FAM53B: variants seen among roughly 807,000 people sequenced by gnomAD.
FAM53B encodes the protein family with sequence similarity 53 member B, also known as protein FAM53B.
Under a neutral mutation model 32.7 loss-of-function variants are expected in FAM53B, and 12 were observed. That is an observed-to-expected ratio of 0.37 (90% CI 0.24 to 0.59). The LOEUF (loss-of-function observed/expected upper bound fraction) is 0.59, where lower values mean the gene tolerates loss of function less well. Ranked by LOEUF, FAM53B falls within the 20% of genes least tolerant of loss-of-function variation. The pLI is 0.72. For synonymous variants in FAM53B, 234 were observed against 228.7 expected, an observed-to-expected ratio of 1.02 and a Z score of -0.21; for missense variants, 477 against 577.7, an observed-to-expected ratio of 0.83 and a Z score of 1.79.
In FAM53B at chr10:124,619,638, C is replaced by T. The variant is rs1310693743; in HGVS notation, c.*3604G>A. On this transcript the variant is annotated 3_prime_UTR_variant, in exon 5 of 5. Coordinates refer to ENST00000337318, the MANE Select transcript of FAM53B (RefSeq NM_014661.4). ...CTATCCTATCTAGGCTACAAGATCT[C>T]CACTTCGGTCTGCCATTAAAAAAAA... 1 of 151,846 alleles carries T rather than the reference C, an allele frequency of 6.6e-6. No homozygotes were observed. Among genetic ancestry groups the T allele is most frequent in the Non-Finnish European group, 1.5e-5 (1 of 67,856 alleles). The allele number at this position is 151,846 out of a possible 1,614,324, so 9.4% of individuals were successfully genotyped here. A position where few individuals can be genotyped will look rare whatever the true frequency, so the allele number is the denominator to read the frequency against.
At chr10:124,670,077 G>T (rs1949698499) in intron 4 of FAM53B, among the ~76,000 whole-genome samples, 1 of 152,126 alleles carries the variant, frequency 6.6e-6, no homozygotes, top group Non-Finnish European at 1.5e-5. Context: ...TGTGTGTGCA[G>T]ATATGGGAGG....
At chr10:124,702,604 G>C (rs1393611242) in intron 2 of FAM53B, among the ~76,000 whole-genome samples, 1 of 152,182 alleles carries the variant, frequency 6.6e-6, no homozygotes, top group Admixed American at 6.5e-5. Flanking sequence ...TCTGTGACCA[G>C]GGCAGCCCCT....
chr10:124,637,858 C>G (rs1267883271), intron 4 of FAM53B, among the ~76,000 whole-genome samples: 1 of 152,206 alleles, frequency 6.6e-6, no homozygotes, highest in Non-Finnish European at 1.5e-5. Flanking sequence ...TGAAATGAAA[C>G]AGCCACCCCA....
intron 4 of FAM53B, among the ~76,000 whole-genome samples, chr10:124,647,727 T>TC (rs1949527348): frequency 1.3e-5 from 2 of 152,022 alleles, no homozygotes; most frequent in African/African-American, 4.8e-5. Context: ...GGTCACCCCC[T>TC]CCCCCAGGGC....
chr10:124,702,529 A>T (rs1416556051), intron 2 of FAM53B, among the ~76,000 whole-genome samples: 1 of 152,224 alleles, frequency 6.6e-6, no homozygotes, highest in African/African-American at 2.4e-5. Context: ...AGGCGATCAC[A>T]GCCTCTGGAA....
Position 124,623,341 on chromosome 10 carries a change from T to C in FAM53B, c.1170A>G (p.Arg390=), listed in dbSNP as rs551319380. 6.2e-7 allele frequency: 1 copy of C among 1,612,094 alleles called. No homozygotes were observed. Among genetic ancestry groups the C allele is most frequent in the African/African-American group, 1.3e-5 (1 of 75,034 alleles). ...CCCGCCAGGCTGCAGCCGGCTCCGCTCTCCTGCCACAATCCTCGTCCAGGG... is the reference window on the plus strand; with the variant it reads ...CCCGCCAGGCTGCAGCCGGCTCCGCCCTCCTGCCACAATCCTCGTCCAGGG... ...SCALDEDCGR[R]AEPAAAWRDR... The change falls in exon 5 of 5, where the codon AGA becomes AGG. Residue 390 remains arginine (R), a synonymous_variant. Transcript: ENST00000337318.
chr10:124,681,915 C>T lies in FAM53B; in HGVS notation c.598G>A (p.Gly200Ser), dbSNP rs765096537. ...CCTGCCTGTCCACACGGGGCTGAGC[C>T]TGGCACCCCTTGGCAGGGCTGCCCT... ...FGGQPCQGVP[G>S]SAPCGQAGDT... The change falls in exon 4 of 5, where the codon GGC (glycine) becomes AGC (serine). Residue 200 changes from glycine to serine, a missense_variant. Coordinates refer to ENST00000337318, the MANE Select transcript of FAM53B (RefSeq NM_014661.4). The T allele has an allele frequency of 1.2e-6, 2 of 1,613,994 alleles. No individual in the cohort carries two copies. Among genetic ancestry groups the T allele is most frequent in the African/African-American group, 2.7e-5 (2 of 75,084 alleles).
intron 4 of FAM53B, among the ~76,000 whole-genome samples, chr10:124,624,334 C>A (rs976027589): frequency 6.6e-6 from 1 of 152,192 alleles, no homozygotes; most frequent in African/African-American, 2.4e-5. Flanking sequence ...AACATGAGTT[C>A]TCGGCCTCAC....
At chr10:124,695,612 G>A (rs966680951) in intron 3 of FAM53B, among the ~76,000 whole-genome samples, 1 of 152,112 alleles carries the variant, frequency 6.6e-6, no homozygotes, top group Non-Finnish European at 1.5e-5. Flanking sequence ...CCTAGATGTA[G>A]TTACATCACT....
At chr10:124,686,992 A>C (rs1362747703) in intron 3 of FAM53B, among the ~76,000 whole-genome samples, 2 of 152,280 alleles carry the variant, frequency 1.3e-5, no homozygotes, top group Non-Finnish European at 2.9e-5. Context: ...TATCAACACC[A>C]GCCAGGTGAC....
intron 2 of FAM53B, among the ~76,000 whole-genome samples, chr10:124,701,995 G>T (rs1487483905): frequency 6.6e-6 from 1 of 152,168 alleles, no homozygotes; most frequent in Non-Finnish European, 1.5e-5. Context: ...CCCTCAACAG[G>T]CCTCAGAATT....
At chr10:124,669,833 A>G (rs992409151) in intron 4 of FAM53B, among the ~76,000 whole-genome samples, 2 of 152,048 alleles carry the variant, frequency 1.3e-5, no homozygotes, top group Non-Finnish European at 2.9e-5. Flanking sequence ...CTTCCCTGGA[A>G]AGTAGAACAG....
intron 3 of FAM53B, among the ~76,000 whole-genome samples, chr10:124,694,639 G>A (rs541568707): frequency 1.8e-4 from 28 of 152,360 alleles, no homozygotes; most frequent in Non-Finnish European, 2.9e-4. Flanking sequence ...CCAGCATGAC[G>A]CAGGAAGGAA....
At chr10:124,701,100 G>T (rs939378031) in intron 2 of FAM53B, among the ~76,000 whole-genome samples, 1 of 152,228 alleles carries the variant, frequency 6.6e-6, no homozygotes, top group Non-Finnish European at 1.5e-5. Context: ...CCTGCCCAGG[G>T]TGAAAGGCAT....
At chr10:124,655,750 C>T (rs562397582) in intron 4 of FAM53B, among the ~76,000 whole-genome samples, 2 of 152,222 alleles carry the variant, frequency 1.3e-5, no homozygotes, top group African/African-American at 4.8e-5. Context: ...TCTCATTCCA[C>T]GCAGAAGATC....
At chr10:124,629,324 G>C (rs536225533) in intron 4 of FAM53B, among the ~76,000 whole-genome samples, 7 of 152,318 alleles carry the variant, frequency 4.6e-5, no homozygotes, top group African/African-American at 1.4e-4. Flanking sequence ...CTCCCTTTTG[G>C]GCAAGCGAAG....
Position 124,706,635 on chromosome 10 carries a change from C to G in FAM53B, c.78+1G>C. The stretch of plus-strand genomic sequence containing the variant: ...AAGCAGGAAGCCTGCCAGGTCCTCA[C>G]CAGTTCACGGCTGAAGGTCCCACAT... On this transcript the variant is annotated splice_donor_variant, in intron 2 of 4. Coordinates refer to ENST00000337318, the MANE Select transcript of FAM53B (RefSeq NM_014661.4). LOFTEE classifies it high-confidence loss of function. 1.2e-6 allele frequency: 2 copies of G among 1,614,228 alleles called. No individual in the cohort carries two copies. Among genetic ancestry groups the G allele is most frequent in the Middle Eastern group, 1.6e-4 (1 of 6,062 alleles).
chr10:124,744,044 C>G lies in FAM53B; in HGVS notation c.-206G>C, dbSNP rs906375679. The G allele has an allele frequency of 1.0e-4, 15 of 147,392 alleles. No homozygotes were observed. The highest frequency in any genetic ancestry group is 9.4e-4 in the Admixed American group (14 of 14,852). The allele number at this position is 147,392 out of a possible 1,614,324, so 9.1% of individuals were successfully genotyped here. ...CGGCGGGGCGCTCCGGGCGCGGACCCCGCGCCGTCACCGCCAGCGCTCGCC... is the reference window on the plus strand; with the variant it reads ...CGGCGGGGCGCTCCGGGCGCGGACCGCGCGCCGTCACCGCCAGCGCTCGCC... On this transcript the variant is annotated 5_prime_UTR_variant, in exon 1 of 5. Coordinates refer to ENST00000337318, the MANE Select transcript of FAM53B (RefSeq NM_014661.4).
intron 4 of FAM53B, among the ~76,000 whole-genome samples, chr10:124,648,017 C>A (rs577283755): frequency 3.9e-5 from 6 of 152,162 alleles, no homozygotes; most frequent in Non-Finnish European, 5.9e-5. Flanking sequence ...GCACTGGGGA[C>A]GCCATGGGGC....
Sources: allele counts gnomAD v4.1 joint callset (sites outside exome capture counted in the v4.1 genomes callset), GRCh38; gene constraint gnomAD v4.1.1; transcripts MANE v1.5; gene names NCBI Gene and HGNC (gene_info 2026-07-23, HGNC 2026-07-21).